BMAL1: variants seen among roughly 807,000 people sequenced by gnomAD.
The protein encoded by BMAL1 is basic helix-loop-helix ARNT-like protein 1.
chr11:13,328,050 A>G, the BMAL1 span, among the ~76,000 whole-genome samples: 219 of 152,246 alleles, frequency 1.4e-3, 1 homozygote, highest in African/African-American at 5.1e-3. Flanking sequence ...ATTTGCATTT[A>G]TTTCCCATAT....
the BMAL1 span, among the ~76,000 whole-genome samples, chr11:13,368,351 G>A: frequency 3.3e-5 from 5 of 152,354 alleles, 1 homozygote; most frequent in Admixed American, 3.3e-4. Flanking sequence ...ATGAAGGGAG[G>A]AACAAAGAGG....
the BMAL1 span, among the ~76,000 whole-genome samples, chr11:13,328,000 A>G: frequency 2.0e-5 from 3 of 151,940 alleles, no homozygotes; most frequent in East Asian, 1.9e-4. Context: ...TTGTTGGGCA[A>G]TTTGGCAACA....
At chr11:13,317,058 T>C in the BMAL1 span, among the ~76,000 whole-genome samples, 1 of 152,108 alleles carries the variant, frequency 6.6e-6, no homozygotes, top group Non-Finnish European at 1.5e-5. Context: ...CTTGTGAGAG[T>C]GGAATGAAGA....
the BMAL1 span, among the ~76,000 whole-genome samples, chr11:13,307,139 A>G: frequency 7.9e-5 from 12 of 152,236 alleles, no homozygotes; most frequent in Admixed American, 7.2e-4. Context: ...AGGAGAAGGC[A>G]GACAAAATGC....
chr11:13,305,310 A>G, the BMAL1 span, among the ~76,000 whole-genome samples: 1 of 152,318 alleles, frequency 6.6e-6, no homozygotes, highest in African/African-American at 2.4e-5. Flanking sequence ...TGGCTAAACC[A>G]TAGAATGGCT....
At chr11:13,302,024 G>T in the BMAL1 span, among the ~76,000 whole-genome samples, 1 of 152,186 alleles carries the variant, frequency 6.6e-6, no homozygotes, top group Non-Finnish European at 1.5e-5. Flanking sequence ...GACAGATGCC[G>T]TATGTTTAGA....
the BMAL1 span, among the ~76,000 whole-genome samples, chr11:13,323,766 G>A: frequency 1.3e-5 from 2 of 152,072 alleles, no homozygotes; most frequent in African/African-American, 2.4e-5. Context: ...ACAGTCGTGC[G>A]CTACCACTCC....
chr11:13,329,494 A>G, the BMAL1 span, among the ~76,000 whole-genome samples: 1 of 152,322 alleles, frequency 6.6e-6, no homozygotes, highest in East Asian at 1.9e-4. Flanking sequence ...TTGGGCTGAC[A>G]TGAAAACCTC....
the BMAL1 span, chr11:13,365,415 A>G: frequency 8.0e-7 from 1 of 1,252,674 alleles, no homozygotes; most frequent in Non-Finnish European, 1.1e-6. Flanking sequence ...ATGCTTAGAA[A>G]GCACATCCTC....
the BMAL1 span, chr11:13,378,362 T>G: frequency 6.2e-7 from 1 of 1,612,532 alleles, no homozygotes; most frequent in Non-Finnish European, 8.5e-7. Flanking sequence ...CCCACCCCAC[T>G]GTTCCAGGGA....
the BMAL1 span, among the ~76,000 whole-genome samples, chr11:13,306,409 A>G: frequency 6.6e-6 from 1 of 152,242 alleles, no homozygotes; most frequent in Admixed American, 6.5e-5. Context: ...CAAGGAGACC[A>G]GGTTGGTCTG....
the BMAL1 span, chr11:13,366,822 C>A: frequency 1.5e-4 from 229 of 1,559,676 alleles, 1 homozygote; most frequent in Non-Finnish European, 2.0e-4. Flanking sequence ...CAGCAGCCCA[C>A]TCACAGGCAG....
chr11:13,363,127 C>CATATATATATATATAT, the BMAL1 span, among the ~76,000 whole-genome samples: 1 of 109,876 alleles, frequency 9.1e-6, no homozygotes, highest in Non-Finnish European at 1.9e-5. Context: ...GTCTTTATTT[C>CATATATATATATATAT]ATATATATAT....
the BMAL1 span, among the ~76,000 whole-genome samples, chr11:13,376,111 G>A: frequency 6.6e-6 from 1 of 152,220 alleles, no homozygotes; most frequent in Non-Finnish European, 1.5e-5. Flanking sequence ...GGCTCATTCA[G>A]GCACTAGCTC....
the BMAL1 span, among the ~76,000 whole-genome samples, chr11:13,316,919 C>T: frequency 1.3e-5 from 2 of 152,166 alleles, no homozygotes; most frequent in African/African-American, 2.4e-5. Flanking sequence ...GGAGGCCCAC[C>T]TGCTTCAGAA....
At chr11:13,354,439 C>A in the BMAL1 span, 1 of 1,614,098 alleles carries the variant, frequency 6.2e-7, no homozygotes, top group Non-Finnish European at 8.5e-7. Flanking sequence ...GGCAGCTCCA[C>A]TGACTACCAG....
the BMAL1 span, among the ~76,000 whole-genome samples, chr11:13,288,866 T>G: frequency 6.6e-6 from 1 of 152,226 alleles, no homozygotes; most frequent in Admixed American, 6.5e-5. Flanking sequence ...TGTGAGTGGC[T>G]TTCAAGTGTG....
chr11:13,334,522 C>T, the BMAL1 span, among the ~76,000 whole-genome samples: 1 of 109,168 alleles, frequency 9.2e-6, no homozygotes, highest in East Asian at 2.3e-4. Flanking sequence ...ATACAGGGCT[C>T]TTGATGTTTT....
At chr11:13,352,012 G>C in the BMAL1 span, among the ~76,000 whole-genome samples, 1 of 152,214 alleles carries the variant, frequency 6.6e-6, no homozygotes, top group Non-Finnish European at 1.5e-5. Context: ...ATTCAGTAGC[G>C]TGGGGAGAGT....
Sources: allele counts gnomAD v4.1 joint callset (sites outside exome capture counted in the v4.1 genomes callset), GRCh38; gene constraint gnomAD v4.1.1; transcripts MANE v1.5; gene names NCBI Gene and HGNC (gene_info 2026-07-23, HGNC 2026-07-21).